The following QTMAN variants were observed in gnomAD, a reference collection of about 807,000 sequenced individuals.
QTMAN encodes queuosine-tRNA mannosyltransferase, also known as tRNA-queuosine alpha-mannosyltransferase.
At chr2:144,214,645 T>C in the QTMAN span, among the ~76,000 whole-genome samples, 1 of 152,226 alleles carries the variant, frequency 6.6e-6, no homozygotes, top group South Asian at 2.1e-4. Context: ...TAATAATGTA[T>C]ACCCCCCTCA....
chr2:144,119,383 G>A, the QTMAN span, among the ~76,000 whole-genome samples: 1 of 152,158 alleles, frequency 6.6e-6, no homozygotes, highest in South Asian at 2.1e-4. Flanking sequence ...AGTATTCCCT[G>A]AGATGAAAAT....
At chr2:144,320,854 T>C in the QTMAN span, among the ~76,000 whole-genome samples, 9 of 152,302 alleles carry the variant, frequency 5.9e-5, no homozygotes, top group Non-Finnish European at 1.0e-4. Context: ...AACACTCCTC[T>C]TGGCTTCCAC....
the QTMAN span, among the ~76,000 whole-genome samples, chr2:144,287,232 CAAGACCATCCTGGCTAACA>C: frequency 1.4e-4 from 22 of 152,196 alleles, 1 homozygote; most frequent in South Asian, 1.0e-3. Context: ...GTCAGGAGAT[CAAGACCATCCTGGCTAACA>C]AAGTGAAACC....
chr2:144,116,182 A>T, the QTMAN span, among the ~76,000 whole-genome samples: 1 of 151,870 alleles, frequency 6.6e-6, no homozygotes, highest in African/African-American at 2.4e-5. Context: ...TCTACTAGTA[A>T]ATTTAAAAAA....
chr2:144,139,337 G>A, the QTMAN span, among the ~76,000 whole-genome samples: 1 of 151,996 alleles, frequency 6.6e-6, no homozygotes, highest in African/African-American at 2.4e-5. Context: ...AAATTAATGG[G>A]AGCGGGGCGG....
chr2:144,126,738 G>A, the QTMAN span, among the ~76,000 whole-genome samples: 1 of 151,898 alleles, frequency 6.6e-6, no homozygotes, highest in East Asian at 1.9e-4. Context: ...GTTAAGTGGG[G>A]GTTTACTGTA....
At chr2:144,181,267 A>G in the QTMAN span, among the ~76,000 whole-genome samples, 3 of 152,252 alleles carry the variant, frequency 2.0e-5, no homozygotes, top group Non-Finnish European at 4.4e-5. Context: ...CACACAGTGC[A>G]TTACAGAATT....
At chr2:143,964,905 C>T in the QTMAN span, among the ~76,000 whole-genome samples, 24 of 152,180 alleles carry the variant, frequency 1.6e-4, no homozygotes, top group African/African-American at 5.8e-4. Context: ...AACTCCTTTT[C>T]CCACCATGTC....
the QTMAN span, among the ~76,000 whole-genome samples, chr2:143,948,657 A>G: frequency 6.6e-6 from 1 of 152,168 alleles, no homozygotes; most frequent in Non-Finnish European, 1.5e-5. Flanking sequence ...CTCTAAAAGC[A>G]TGAAATACTA....
the QTMAN span, among the ~76,000 whole-genome samples, chr2:144,296,271 C>A: frequency 5.8e-4 from 88 of 152,260 alleles, 1 homozygote; most frequent in East Asian, 0.011. Context: ...CAAAAACCAA[C>A]TAAAATCATG....
chr2:144,066,292 A>T, the QTMAN span, among the ~76,000 whole-genome samples: 2 of 152,210 alleles, frequency 1.3e-5, no homozygotes, highest in Non-Finnish European at 2.9e-5. Context: ...ATATTGCTCA[A>T]TAAAAATGTT....
chr2:144,325,537 G>A, the QTMAN span, among the ~76,000 whole-genome samples: 2 of 151,604 alleles, frequency 1.3e-5, no homozygotes, highest in African/African-American at 4.8e-5. Flanking sequence ...AATCAAGATT[G>A]AGGTCATGTA....
chr2:143,943,570 CAAA>C, the QTMAN span: 1 of 152,180 alleles, frequency 6.6e-6, no homozygotes, highest in Non-Finnish European at 1.5e-5. Context: ...GATGCTTTCT[CAAA>C]AACAGATTTT....
At chr2:143,987,644 C>A in the QTMAN span, among the ~76,000 whole-genome samples, 1 of 152,190 alleles carries the variant, frequency 6.6e-6, no homozygotes, top group Non-Finnish European at 1.5e-5. Flanking sequence ...TAATGTGCTT[C>A]CTCTCTTGGT....
At chr2:144,196,980 C>G in the QTMAN span, among the ~76,000 whole-genome samples, 1 of 152,036 alleles carries the variant, frequency 6.6e-6, no homozygotes, top group Non-Finnish European at 1.5e-5. Context: ...GATGATGATA[C>G]CTTCTGAGAA....
At chr2:144,018,074 T>C in the QTMAN span, among the ~76,000 whole-genome samples, 1 of 152,200 alleles carries the variant, frequency 6.6e-6, no homozygotes, top group Non-Finnish European at 1.5e-5. Flanking sequence ...CCTATGATAC[T>C]GTTTTCCACC....
the QTMAN span, among the ~76,000 whole-genome samples, chr2:144,236,311 G>C: frequency 2.0e-5 from 3 of 152,096 alleles, no homozygotes; most frequent in East Asian, 3.9e-4. Context: ...TTCTGGGAGA[G>C]CAATACATCA....
chr2:144,331,925 C>T, the QTMAN span, among the ~76,000 whole-genome samples: 5 of 152,164 alleles, frequency 3.3e-5, no homozygotes, highest in Non-Finnish European at 5.9e-5. Flanking sequence ...GTCAGGAAGG[C>T]CTGGGGCTCG....
chr2:143,958,068 G>T, the QTMAN span, among the ~76,000 whole-genome samples: 2 of 151,956 alleles, frequency 1.3e-5, no homozygotes, highest in African/African-American at 2.4e-5. Context: ...AATTTTCAAG[G>T]ATAAGGTGAA....
Sources: allele counts gnomAD v4.1 joint callset (sites outside exome capture counted in the v4.1 genomes callset), GRCh38; gene constraint gnomAD v4.1.1; transcripts MANE v1.5; gene names NCBI Gene and HGNC (gene_info 2026-07-23, HGNC 2026-07-21).